Variants in LTF observed in about 807,000 individuals in gnomAD.
LTF encodes the protein epididymis luminal protein 110.
In LTF, 91 loss-of-function variants were observed where a neutral mutation model predicts 87.2. The observed-to-expected ratio is 1.04, with a 90% CI of 0.88 to 1.24. LTF has a LOEUF of 1.24. LTF is among the 50% of genes most tolerant of loss of function. LTF has a pLI of 0.00. For synonymous variants in LTF, 378 were observed against 356.1 expected (o/e 1.06, Z -0.69); for missense variants, 901 against 904.3 (o/e 1.00, Z 0.05).
chr3:46,472,676 A>C (rs868692577), intron 1 of LTF, among the ~76,000 whole-genome samples: 1 of 151,846 alleles, frequency 6.6e-6, no homozygotes, highest in Non-Finnish European at 1.5e-5. Context: ...CTTTTGAGTA[A>C]AGCTGACCTC....
intron 1 of LTF, among the ~76,000 whole-genome samples, chr3:46,478,494 C>T (rs1009422180): frequency 2.0e-5 from 3 of 152,186 alleles, no homozygotes; most frequent in Non-Finnish European, 4.4e-5. Context: ...CTAGAGAGTG[C>T]CAGGGACCAA....
chr3:46,446,302 C>A, intron 11 of LTF, 138 bp downstream of exon 11: 1 of 183,544 alleles, frequency 5.4e-6, no homozygotes, highest in South Asian at 6.2e-5. Context: ...ATTATTTGCA[C>A]CCTTAAAATT....
At chr3:46,456,022 G>A (rs1702921068) in intron 3 of LTF, 44 bp from the exon 4 acceptor site, 2 of 1,499,220 alleles carry the variant, frequency 1.3e-6, no homozygotes, top group African/African-American at 1.4e-5. Flanking sequence ...GCCTGGACAA[G>A]AGGGACAAAA....
Position 46,447,369 on chromosome 3 carries a change from A to G in LTF, c.1242T>C (p.Asp414=). The G allele has an allele frequency of 6.2e-7, 1 of 1,614,152 alleles. No homozygotes were observed. The highest frequency in any genetic ancestry group is 1.1e-5 in the South Asian group (1 of 91,080). The stretch of plus-strand genomic sequence containing the variant: ...TGCCTGCAGTGTACACATATCCTCC[A>G]TCCAAACTCATGGCATCAGCTTCTC... ...LKGEADAMSL[D]GGYVYTAGKC... The change falls in exon 10 of 17, where the codon GAT becomes GAC. Residue 414 remains aspartate, a synonymous_variant. Coordinates refer to ENST00000231751, the MANE Select transcript of LTF (RefSeq NM_002343.6).
At chr3:46,468,262 A>C (rs1559610402), upstream of LTF, 1 of 456,776 alleles carries the variant, frequency 2.2e-6, no homozygotes, top group East Asian at 6.9e-5. Flanking sequence ...CCATTCATTC[A>C]ACACTGGTCT....
At chr3:46,445,520 G>T in intron 11 of LTF, 84 bp from the exon 12 acceptor site, 1 of 1,178,354 alleles carries the variant, frequency 8.5e-7, no homozygotes. Context: ...CTACAGCCCA[G>T]GCCAAAACAG....
chr3:46,464,311 C>T (rs1703159833), intron 1 of LTF, among the ~76,000 whole-genome samples: 1 of 152,194 alleles, frequency 6.6e-6, no homozygotes, highest in South Asian at 2.1e-4. Context: ...CCCTCTGCCA[C>T]GGAAGGTGTG....
At chr3:46,475,196 A>G (rs181527414) in intron 1 of LTF, among the ~76,000 whole-genome samples, 38 of 152,284 alleles carry the variant, frequency 2.5e-4, no homozygotes, top group African/African-American at 8.2e-4. Context: ...AAATTGACCA[A>G]TTTCTCCAAA....
intron 11 of LTF, among the ~76,000 whole-genome samples, chr3:46,445,671 C>T (rs557641699): frequency 5.3e-5 from 8 of 152,342 alleles, no homozygotes; most frequent in African/African-American, 1.7e-4. Context: ...TTAGTGATTA[C>T]AGGGGACTGT....
At chr3:46,448,713 G>T (rs1261047551) in intron 9 of LTF, 150 bp downstream of exon 9, 8 of 829,388 alleles carry the variant, frequency 9.6e-6, no homozygotes, top group Non-Finnish European at 1.4e-5. Context: ...AAACTAAAAT[G>T]CTTTCTGGCC....
chr3:46,441,467 C>G lies in LTF; in HGVS notation c.1672G>C (p.Ala558Pro), dbSNP rs1374858366. 3 of 1,613,614 alleles carry G rather than the reference C, an allele frequency of 1.9e-6. No homozygotes were observed. The highest frequency in any genetic ancestry group is 2.5e-6 in the Non-Finnish European group (3 of 1,179,708). Residue 558 changes from alanine to proline, a missense_variant, in exon 14 of 17, where the codon GCT (alanine) becomes CCT (proline). Transcript: ENST00000231751. Reference sequence around the variant, plus strand: ...TCTTTCACAAATGCAACGTCTCCAGCATTCTCAGCCAGGCACCTAAAATGT... The same window carrying G: ...TCTTTCACAAATGCAACGTCTCCAGGATTCTCAGCCAGGCACCTAAAATGT... ...TGAFRCLAENAGDVAFVKDVT... is the reference protein window; with the variant it reads ...TGAFRCLAENPGDVAFVKDVT...
chr3:46,454,479 T>TA, intron 5 of LTF, 119 bp from the exon 6 acceptor site: 1 of 919,068 alleles, frequency 1.1e-6, no homozygotes, highest in Non-Finnish European at 1.8e-6. Context: ...GGCAGGGCTC[T>TA]GAAGCTTTGG....
intron 13 of LTF, 124 bp downstream of exon 13, chr3:46,443,317 C>G: frequency 8.4e-7 from 1 of 1,196,954 alleles, no homozygotes; most frequent in African/African-American, 1.5e-5. Context: ...CACCCATGAG[C>G]TGACCCACAG....
intron 1 of LTF, chr3:46,463,615 T>TA (rs774248274): frequency 1.8e-4 from 177 of 985,328 alleles, no homozygotes; most frequent in Non-Finnish European, 2.0e-4. Context: ...CCAAAACAAC[T>TA]AAAGATCCAA....
chr3:46,445,255 C>A, intron 12 of LTF, 26 bp downstream of exon 12: 1 of 1,588,912 alleles, frequency 6.3e-7, no homozygotes, highest in Non-Finnish European at 8.6e-7. Flanking sequence ...GGGTGGCCCA[C>A]CCACCGCACC....
Position 46,454,344 on chromosome 3 carries a change from C to T in LTF, c.664G>A (p.Ala222Thr). The change falls in exon 6 of 17, where the codon GCT becomes ACT. Residue 222 changes from alanine to threonine, a missense_variant. Transcript: ENST00000231751. ...TCTCTGATAAAAGCCACGTCTCCAG[C>T]CCCGTCTCTCAGACACCTGTGAAAA... ...SGAFKCLRDG[A>T]GDVAFIREST... 1 of 1,614,184 alleles carries T rather than the reference C, an allele frequency of 6.2e-7. No homozygotes were observed.
In LTF at chr3:46,459,675, T is replaced by C; in HGVS notation, c.188A>G (p.Gln63Arg). The C allele has an allele frequency of 6.5e-7, 1 of 1,533,258 alleles. No homozygotes were observed. The highest frequency in any genetic ancestry group is 8.8e-7 in the Non-Finnish European group (1 of 1,142,768). 95.0% of individuals were successfully genotyped at this position (1,533,258 alleles called of 1,614,324 possible). A position where few individuals can be genotyped will look rare whatever the true frequency, so the allele number is the denominator to read the frequency against. The change falls in exon 2 of 17, where the codon CAG (glutamine) becomes CGG (arginine). Residue 63 changes from glutamine (Q) to arginine (R), a missense_variant. Physicochemically the swap from Gln to Arg is conservative, Grantham distance 43. Transcript: ENST00000231751. ...VSCIKRDSPI[Q>R]CIQAIAENRA... ...ACTCACCGCAATGGCCTGGATACAC[T>C]GGATGGGGGAGTCTCTCTTTATGCA...
intron 1 of LTF, among the ~76,000 whole-genome samples, chr3:46,478,830 A>AAATAATATT (rs1703395621): frequency 6.6e-6 from 1 of 152,210 alleles, no homozygotes; most frequent in African/African-American, 2.4e-5. Context: ...CACTCTCAGA[A>AAATAATATT]AATAATATTT....
chr3:46,477,682 G>A (rs765660697), intron 1 of LTF, among the ~76,000 whole-genome samples: 1 of 152,186 alleles, frequency 6.6e-6, no homozygotes, highest in Non-Finnish European at 1.5e-5. Context: ...CTGCTCAATC[G>A]ATATTTTTTG....
Sources: gnomAD v4.1 joint callset for allele counts (sites outside exome capture counted in the v4.1 genomes callset) on GRCh38, gnomAD v4.1.1 for gene constraint, MANE v1.5 for transcripts, NCBI Gene and HGNC (gene_info 2026-07-23, HGNC 2026-07-21) for gene names.